CCDC6: variants seen among roughly 807,000 people sequenced by gnomAD.
CCDC6 encodes coiled-coil domain-containing protein 6.
In CCDC6, 20 loss-of-function variants were observed where a neutral mutation model predicts 56.6. The observed-to-expected ratio is 0.35, with a 90% CI of 0.25 to 0.51. The LOEUF (loss-of-function observed/expected upper bound fraction) is 0.51, where lower values mean the gene tolerates loss of function less well. Among genes scored for constraint, CCDC6 ranks in the 20% least tolerant of loss-of-function variants. The probability of loss-of-function intolerance (pLI) is 0.95; values close to 1 mark genes in which losing one functional copy is unlikely to be tolerated. For missense variants in CCDC6, 367 were observed against 601.1 expected, an observed-to-expected ratio of 0.61 and a Z score of 4.07; for synonymous variants, 241 against 234.4, an observed-to-expected ratio of 1.03 and a Z score of -0.26.
chr10:59,891,661 G>GA (rs1321982367), intron 1 of CCDC6, among the ~76,000 whole-genome samples: 1 of 152,224 alleles, frequency 6.6e-6, no homozygotes, highest in Non-Finnish European at 1.5e-5. Context: ...ACAAGTAGCA[G>GA]AGAGGGAGGC....
intron 2 of CCDC6, among the ~76,000 whole-genome samples, chr10:59,839,921 G>A (rs2070921635): frequency 6.6e-6 from 1 of 152,120 alleles, no homozygotes; most frequent in Admixed American, 6.6e-5. Flanking sequence ...CGACTCCCTG[G>A]TTCAACTGAT....
intron 1 of CCDC6, among the ~76,000 whole-genome samples, chr10:59,876,795 G>A (rs1450186094): frequency 1.3e-5 from 2 of 152,128 alleles, no homozygotes; most frequent in Non-Finnish European, 2.9e-5. Context: ...TTCAACATTA[G>A]ACAATTGTAT....
At chr10:59,830,052 C>T (rs1023743768) in intron 3 of CCDC6, among the ~76,000 whole-genome samples, 34 of 152,190 alleles carry the variant, frequency 2.2e-4, no homozygotes, top group African/African-American at 7.7e-4. Context: ...GAGGACCACT[C>T]ACCATTCACA....
At chr10:59,796,988 A>C (rs1025334878) in intron 7 of CCDC6, among the ~76,000 whole-genome samples, 3 of 144,420 alleles carry the variant, frequency 2.1e-5, no homozygotes, top group Admixed American at 1.4e-4. Context: ...AAAAAAAAAA[A>C]TGTGGAAACA....
intron 1 of CCDC6, among the ~76,000 whole-genome samples, chr10:59,901,396 A>C (rs1050660597): frequency 2.0e-5 from 3 of 152,250 alleles, no homozygotes; most frequent in Non-Finnish European, 4.4e-5. Context: ...TTAGACTTCC[A>C]GAGTAAATAA....
chr10:59,875,974 CA>C (rs796760947), intron 1 of CCDC6, among the ~76,000 whole-genome samples: 9 of 148,070 alleles, frequency 6.1e-5, no homozygotes, highest in Admixed American at 2.7e-4. Context: ...TCTGCAATCC[CA>C]AAAAAAATAA....
chr10:59,875,339 C>T (rs2071269494), intron 1 of CCDC6, among the ~76,000 whole-genome samples: 1 of 152,144 alleles, frequency 6.6e-6, no homozygotes, highest in Admixed American at 6.5e-5. Context: ...TGGTAGAGAT[C>T]TGCTCATCTA....
intron 3 of CCDC6, among the ~76,000 whole-genome samples, chr10:59,823,204 A>G (rs1254153812): frequency 6.6e-6 from 1 of 152,218 alleles, no homozygotes; most frequent in Non-Finnish European, 1.5e-5. Context: ...AGGCTGTCAC[A>G]CTGGCCCTTT....
chr10:59,798,214 A>G (rs2070541096), intron 7 of CCDC6, among the ~76,000 whole-genome samples: 1 of 152,226 alleles, frequency 6.6e-6, no homozygotes, highest in South Asian at 2.1e-4. Flanking sequence ...CCTATTGACA[A>G]TTACTCTGAA....
chr10:59,793,504 C>T (rs2070485813), intron 8 of CCDC6, among the ~76,000 whole-genome samples: 1 of 152,188 alleles, frequency 6.6e-6, no homozygotes, highest in Admixed American at 6.5e-5. Context: ...ATGTTTGAGG[C>T]CGGGTGCAGT....
rs111531645 is a variant in CCDC6, at chr10:59,832,807, G to A, written c.454-154C>T. Reference sequence around the variant, plus strand: ...TGCAAGTATATACCTAGTAATCTGTGCCTAACTGGTTCCTCTAACTTAAAA... The same window carrying A: ...TGCAAGTATATACCTAGTAATCTGTACCTAACTGGTTCCTCTAACTTAAAA... On this transcript the variant is annotated intron_variant, in intron 2 of 8. Coordinates refer to ENST00000263102, the MANE Select transcript of CCDC6 (RefSeq NM_005436.5). Among the ~76,000 whole-genome samples, 237 of 152,290 alleles carry A rather than the reference G, an allele frequency of 1.6e-3. 2 individuals carry two copies. The highest frequency in any genetic ancestry group is 5.5e-3 in the African/African-American group (229 of 41,548).
chr10:59,814,599 A>AAC (rs111613433), intron 4 of CCDC6, 53 bp downstream of exon 4: 188,616 of 919,524 alleles, frequency 0.21, 6,055 homozygotes, highest in Middle Eastern at 0.26. Context: ...CCAGAGCAGC[A>AAC]ACACACACAC....
chr10:59,813,365 T>G (rs9971121), intron 4 of CCDC6, among the ~76,000 whole-genome samples: 9 of 151,996 alleles, frequency 5.9e-5, no homozygotes. Flanking sequence ...CCAAAATTGT[T>G]AGGTTAATAA....
chr10:59,850,192 G>A (rs1209585773), intron 2 of CCDC6, among the ~76,000 whole-genome samples: 2 of 152,096 alleles, frequency 1.3e-5, no homozygotes, highest in Admixed American at 6.6e-5. Context: ...TAAAGACGAG[G>A]GGAAGAGAAT....
Position 59,792,748 on chromosome 10 carries a change from A to T in CCDC6, c.*169T>A. ...GTCTGGTTAGTGTTGTAGACCCACA[A>T]CACTGGCTGCATTTCTGACAAACAT... On this transcript the variant is annotated 3_prime_UTR_variant, in exon 9 of 9. Transcript: ENST00000263102. The T allele has an allele frequency of 1.2e-6, 1 of 816,886 alleles. No individual in the cohort carries two copies. The highest frequency in any genetic ancestry group is 2.2e-6 in the Non-Finnish European group (1 of 464,396). 50.6% of individuals were successfully genotyped at this position (816,886 alleles called of 1,614,324 possible). A position where few individuals can be genotyped will look rare whatever the true frequency, so the allele number is the denominator to read the frequency against.
At chr10:59,810,623 T>C (rs1419666836) in intron 5 of CCDC6, among the ~76,000 whole-genome samples, 1 of 152,192 alleles carries the variant, frequency 6.6e-6, no homozygotes, top group African/African-American at 2.4e-5. Flanking sequence ...TATATCTCAT[T>C]TGATTTCCAC....
chr10:59,851,403 C>T (rs1178876821), intron 2 of CCDC6, among the ~76,000 whole-genome samples: 5 of 152,190 alleles, frequency 3.3e-5, no homozygotes, highest in Admixed American at 3.3e-4. Context: ...GACAGTAATG[C>T]CTGGGTACCT....
chr10:59,896,347 AT>A (rs1362849546), intron 1 of CCDC6, among the ~76,000 whole-genome samples: 1 of 152,224 alleles, frequency 6.6e-6, no homozygotes, highest in Non-Finnish European at 1.5e-5. Context: ...GCCATGGGTT[AT>A]TCCCTCATCC....
rs1264775531 is a variant in CCDC6 at position 59,791,316 on chromosome 10, C to T, written c.*1601G>A. The T allele has an allele frequency of 1.5e-5, 3 of 201,312 alleles. No homozygotes were observed. Among genetic ancestry groups the T allele is most frequent in the African/African-American group, 2.3e-5 (1 of 43,524 alleles). 12.5% of individuals were successfully genotyped at this position (201,312 alleles called of 1,614,324 possible). A position where few individuals can be genotyped will look rare whatever the true frequency, so the allele number is the denominator to read the frequency against. On this transcript the variant is annotated 3_prime_UTR_variant, in exon 9 of 9. Transcript: ENST00000263102. The stretch of plus-strand genomic sequence containing the variant: ...AAAAAATCTTATTGTTGCTTTTACT[C>T]TCAAGTTCTTAAAACGCTAGTCAAA...
Sources: allele counts gnomAD v4.1 joint callset (sites outside exome capture counted in the v4.1 genomes callset), GRCh38; gene constraint gnomAD v4.1.1; transcripts MANE v1.5; gene names NCBI Gene and HGNC (gene_info 2026-07-23, HGNC 2026-07-21).